Variants in COLEC10 observed in about 807,000 individuals in gnomAD.
The protein encoded by COLEC10 is collectin subfamily member 10.
In COLEC10, 22 loss-of-function variants were observed where a neutral mutation model predicts 28.4. That is an observed-to-expected ratio of 0.78 (90% CI 0.55 to 1.11). COLEC10 has a LOEUF of 1.11. COLEC10 is among the 50% of genes least tolerant of loss of function. COLEC10 has a pLI of 0.00. For synonymous variants in COLEC10, 125 were observed against 116.1 expected (o/e 1.08, Z -0.49); for missense variants, 361 against 344.1 (o/e 1.05, Z -0.39).
the COLEC10 span, among the ~76,000 whole-genome samples, chr8:118,973,901 CAACTT>C: frequency 1.3e-5 from 2 of 151,962 alleles, no homozygotes; most frequent in African/African-American, 4.8e-5. Context: ...ATCCCCATCT[CAACTT>C]AAATTACTCT....
At chr8:119,095,085 C>A (rs1341971839) in intron 3 of COLEC10, among the ~76,000 whole-genome samples, 1 of 152,096 alleles carries the variant, frequency 6.6e-6, no homozygotes, top group Admixed American at 6.6e-5. Context: ...TGATTGCATA[C>A]CTAGTACAAA....
the COLEC10 span, among the ~76,000 whole-genome samples, chr8:118,957,256 G>A: frequency 1.3e-5 from 2 of 152,200 alleles, no homozygotes; most frequent in African/African-American, 4.8e-5. Flanking sequence ...CAGTCAAGCT[G>A]GAGAGAAAGA....
upstream of COLEC10, among the ~76,000 whole-genome samples, chr8:118,990,980 C>A (rs201115733): frequency 0.021 from 2,845 of 137,336 alleles, 88 homozygotes; most frequent in African/African-American, 0.077. Context: ...AAAAAAAAAA[C>A]AAAACACCAT....
chr8:119,099,761 T>C (rs1815786819), intron 3 of COLEC10, among the ~76,000 whole-genome samples: 1 of 152,126 alleles, frequency 6.6e-6, no homozygotes, highest in South Asian at 2.1e-4. Flanking sequence ...AGTGAAGCCT[T>C]CTCCACTCTG....
chr8:119,006,376 C>T (rs564152866), intron 1 of COLEC10, among the ~76,000 whole-genome samples: 13 of 152,112 alleles, frequency 8.5e-5, no homozygotes, highest in Admixed American at 3.3e-4. Flanking sequence ...TTTTGTCTTA[C>T]TTTCCTTTCC....
chr8:119,060,385 G>C lies in COLEC10; in HGVS notation n.236-29295G>C, dbSNP rs972340191. ...CCATATACTATGTGTTTTGAATGGAGGCAAAATGAGGCTGAAAAGGAATAC... is the reference window on the plus strand; with the variant it reads ...CCATATACTATGTGTTTTGAATGGACGCAAAATGAGGCTGAAAAGGAATAC... On this transcript the variant is annotated intron_variant and non_coding_transcript_variant, in intron 2 of 6. Transcript: ENST00000521788. Among the ~76,000 whole-genome samples, 7 of 152,046 alleles carry C rather than the reference G, an allele frequency of 4.6e-5. No homozygotes were observed. The South Asian group carries it at 1.5e-3, about 32-fold the overall frequency.
the COLEC10 span, chr8:118,976,451 A>T: frequency 6.6e-6 from 1 of 152,110 alleles, no homozygotes; most frequent in African/African-American, 2.4e-5. Flanking sequence ...TTGTAATGTG[A>T]CTTTCCTTTG....
upstream of COLEC10, among the ~76,000 whole-genome samples, chr8:118,993,521 A>C (rs1351210298): frequency 6.6e-6 from 1 of 151,892 alleles, no homozygotes; most frequent in Non-Finnish European, 1.5e-5. Context: ...CACCCGGCTA[A>C]TTTTTGTATT....
chr8:119,040,877 A>G (rs1335074705), intron 2 of COLEC10, among the ~76,000 whole-genome samples: 2 of 152,166 alleles, frequency 1.3e-5, no homozygotes, highest in African/African-American at 4.8e-5. Context: ...TCCCTACCCC[A>G]TCTCCATCTG....
At chr8:119,070,473 C>CCCTT (rs1815086611) in intron 1 of COLEC10, among the ~76,000 whole-genome samples, 1 of 129,830 alleles carries the variant, frequency 7.7e-6, no homozygotes, top group African/African-American at 3.0e-5. Context: ...CTCTCTCTCT[C>CCCTT]TCTCCTTCCC....
At chr8:119,004,008 C>A (rs1026041888) in intron 1 of COLEC10, among the ~76,000 whole-genome samples, 1 of 151,940 alleles carries the variant, frequency 6.6e-6, no homozygotes, top group African/African-American at 2.4e-5. Context: ...GAAATAATAA[C>A]CCTAGGACTT....
chr8:119,027,316 C>T (rs1814210561), intron 2 of COLEC10, among the ~76,000 whole-genome samples: 1 of 152,138 alleles, frequency 6.6e-6, no homozygotes, highest in African/African-American at 2.4e-5. Flanking sequence ...TTAATTCATA[C>T]ATTTTATTAA....
At chr8:119,026,544 A>G (rs1814194350) in intron 2 of COLEC10, among the ~76,000 whole-genome samples, 1 of 152,118 alleles carries the variant, frequency 6.6e-6, no homozygotes, top group African/African-American at 2.4e-5. Flanking sequence ...AAACAAAAAC[A>G]ACCATGGTTT....
chr8:119,004,561 A>G (rs1175779951), intron 1 of COLEC10, among the ~76,000 whole-genome samples: 1 of 150,900 alleles, frequency 6.6e-6, no homozygotes, highest in Non-Finnish European at 1.5e-5. Context: ...TCAAGCATAT[A>G]TATCACCAAA....
intron 2 of COLEC10, among the ~76,000 whole-genome samples, chr8:119,020,778 T>G (rs1814076540): frequency 6.6e-6 from 1 of 152,318 alleles, no homozygotes; most frequent in South Asian, 2.1e-4. Flanking sequence ...TTCCTAAAAT[T>G]GTGCTAAATT....
intron 2 of COLEC10, among the ~76,000 whole-genome samples, chr8:119,027,154 GTCTA>G (rs1336747008): frequency 2.6e-5 from 4 of 152,100 alleles, no homozygotes; most frequent in Admixed American, 2.0e-4. Context: ...TTAAAACAAT[GTCTA>G]TCATATAGTA....
chr8:118,972,467 A>G, the COLEC10 span, among the ~76,000 whole-genome samples: 1 of 151,880 alleles, frequency 6.6e-6, no homozygotes, highest in African/African-American at 2.4e-5. Context: ...TTTCCACCTG[A>G]ACTCTAAATG....
At chr8:118,997,584 C>T (rs888157770) in intron 1 of COLEC10, among the ~76,000 whole-genome samples, 3 of 152,140 alleles carry the variant, frequency 2.0e-5, no homozygotes, top group Non-Finnish European at 2.9e-5. Flanking sequence ...GTATTTATGC[C>T]TCAAGTGACA....
At chr8:119,001,787 T>A (rs1415605403) in intron 1 of COLEC10, among the ~76,000 whole-genome samples, 1 of 152,164 alleles carries the variant, frequency 6.6e-6, no homozygotes. Context: ...ATTTACAAAT[T>A]TCAAGTATGA....
Sources: allele counts gnomAD v4.1 joint callset (sites outside exome capture counted in the v4.1 genomes callset), GRCh38; gene constraint gnomAD v4.1.1; transcripts MANE v1.5; gene names NCBI Gene and HGNC (gene_info 2026-07-23, HGNC 2026-07-21).